The following ECT2 variants were observed in gnomAD, a reference collection of about 807,000 sequenced individuals.
ECT2 encodes the protein epithelial cell transforming 2.
A neutral mutation model predicts 116.9 loss-of-function variants in ECT2; 61 were observed. The ratio of observed to expected loss-of-function variants is 0.52; its 90% CI spans 0.42 to 0.65. The LOEUF is 0.65. Ranked by LOEUF, ECT2 falls within the 30% of genes least tolerant of loss-of-function variation. ECT2 has a pLI of 0.00. For missense variants in ECT2, 937 were observed against 1,078.7 expected, an observed-to-expected ratio of 0.87 and a Z score of 1.84; for synonymous variants, 358 against 346.4, an observed-to-expected ratio of 1.03 and a Z score of -0.37.
At chr3:172,773,443 G>A (rs1721033504) in intron 13 of ECT2, among the ~76,000 whole-genome samples, 1 of 151,976 alleles carries the variant, frequency 6.6e-6, no homozygotes, top group Non-Finnish European at 1.5e-5. Context: ...GATACAAGCA[G>A]AAACATAGAT....
At chr3:172,797,958 T>C (rs1726032745) in intron 18 of ECT2, among the ~76,000 whole-genome samples, 1 of 152,200 alleles carries the variant, frequency 6.6e-6, no homozygotes, top group Non-Finnish European at 1.5e-5. Flanking sequence ...TGTGATCCTG[T>C]TTTGATCAAA....
chr3:172,764,290 G>A lies in ECT2; in HGVS notation c.1081G>A (p.Glu361Lys). ...CTTTTGATTACAGGCAAATACTCCT[G>A]AGCTCAAGAAATCAGTGTCAATGCT... is the stretch of plus-strand genomic sequence containing the variant. ...MYLYEKANTP[E>K]LKKSVSMLSL... Residue 361 changes from glutamate to lysine, a missense_variant, in exon 12 of 25, where the codon GAG becomes AAG. Coordinates refer to ENST00000392692, the MANE Select transcript of ECT2 (RefSeq NM_001258315.2). The A allele has an allele frequency of 1.2e-6, 2 of 1,613,996 alleles. No homozygotes were observed. The highest frequency in any genetic ancestry group is 1.7e-6 in the Non-Finnish European group (2 of 1,179,938).
intron 17 of ECT2, 131 bp downstream of exon 17, chr3:172,784,934 A>G (rs183833840): frequency 1.9e-6 from 1 of 533,130 alleles, no homozygotes; most frequent in Admixed American, 3.6e-5. Context: ...GTTTTGCTTT[A>G]TGGATTATCT....
In ECT2 at chr3:172,762,518, C is replaced by T. The variant is rs1718516813; in HGVS notation, c.861C>T (p.Thr287=). The change falls in exon 9 of 25, where the codon ACC becomes ACT. Residue 287 remains threonine (T), a synonymous_variant. Transcript: ENST00000392692. ...SFLGFSDEEK[T]NMEEMTEMQG... ...TGGGATTTTCAGATGAAGAGAAAAC[C>T]AATATGGAAGAAATGACTGAAATGC... 7 of 1,591,172 alleles carry T rather than the reference C, an allele frequency of 4.4e-6. No individual in the cohort carries two copies. In the East Asian group the frequency reaches 6.7e-5, roughly 15 times the overall value.
rs1458739058 is a variant in ECT2, at chr3:172,820,280, C to T, written c.*43C>T. The T allele has an allele frequency of 1.4e-6, 2 of 1,392,302 alleles. No homozygotes were observed. The highest frequency in any genetic ancestry group is 1.4e-5 in the South Asian group (1 of 73,730). The allele number at this position is 1,392,302 out of a possible 1,614,324, so 86.2% of individuals were successfully genotyped here. A position where few individuals can be genotyped will look rare whatever the true frequency, so the allele number is the denominator to read the frequency against. On this transcript the variant is annotated 3_prime_UTR_variant, in exon 25 of 25. Coordinates refer to ENST00000392692, the MANE Select transcript of ECT2 (RefSeq NM_001258315.2). ...AAATTATAGAAATGTATAGACACCTCATACTCAAATAAGAAACTGACTTAA... is the reference window on the plus strand; with the variant it reads ...AAATTATAGAAATGTATAGACACCTTATACTCAAATAAGAAACTGACTTAA...
intron 24 of ECT2, among the ~76,000 whole-genome samples, chr3:172,819,811 A>T (rs560814808): frequency 6.6e-6 from 1 of 151,996 alleles, no homozygotes; most frequent in South Asian, 2.1e-4. Context: ...CCAATTTATA[A>T]TTTTTTCTTT....
chr3:172,788,799 C>G (rs1019452154), intron 18 of ECT2, among the ~76,000 whole-genome samples: 4 of 152,196 alleles, frequency 2.6e-5, no homozygotes, highest in African/African-American at 9.7e-5. Flanking sequence ...GTGGCTCACG[C>G]CTGTAATCCC....
downstream of ECT2, among the ~76,000 whole-genome samples, chr3:172,824,247 T>C (rs957761997): frequency 3.9e-5 from 6 of 152,270 alleles, no homozygotes; most frequent in Non-Finnish European, 8.8e-5. Context: ...AGAAAAGAGA[T>C]TTAATTGGCT....
At chr3:172,818,516 A>G (rs2109392335) in intron 24 of ECT2, 7 of 1,205,728 alleles carry the variant, frequency 5.8e-6, no homozygotes, top group Non-Finnish European at 7.4e-6. Context: ...CATTAATGTC[A>G]TCTTCTCAAT....
chr3:172,814,957 C>T (rs1395890558), intron 22 of ECT2, among the ~76,000 whole-genome samples: 1 of 152,198 alleles, frequency 6.6e-6, no homozygotes, highest in East Asian at 1.9e-4. Context: ...CCAGCTCCCA[C>T]CCTATCCTGT....
At chr3:172,784,881 C>A in intron 17 of ECT2, 78 bp downstream of exon 17, 2 of 922,496 alleles carry the variant, frequency 2.2e-6, no homozygotes, top group Admixed American at 2.2e-5. Context: ...AATTTCTTCT[C>A]ATTTTTAGAG....
chr3:172,816,266 G>A (rs1405081457), intron 23 of ECT2, among the ~76,000 whole-genome samples: 5 of 151,954 alleles, frequency 3.3e-5, no homozygotes, highest in Non-Finnish European at 7.4e-5. Flanking sequence ...TTGGTGGGGG[G>A]GCTTTGTATT....
At position 172,757,138 on chromosome 3, in the gene ECT2, T is replaced by G; in HGVS notation, c.459T>G (p.Val153=). The change falls in exon 5 of 25, where the codon GTT becomes GTG. Residue 153 remains valine, a synonymous_variant. Transcript: ENST00000392692. ...KADCRVIGPP[V]VLNCSQKGEP... is the part of the protein sequence containing the mutation. Reference sequence around the variant, plus strand: ...ATTGTAGAGTTATTGGACCACCAGTTGTATTAAATTGTTCACAAAAAGGAG... The same window carrying G: ...ATTGTAGAGTTATTGGACCACCAGTGGTATTAAATTGTTCACAAAAAGGAG... 6.6e-7 allele frequency: 1 copy of G among 1,512,750 alleles called. No individual in the cohort carries two copies. Among genetic ancestry groups the G allele is most frequent in the Non-Finnish European group, 8.8e-7 (1 of 1,135,990 alleles). 93.7% of individuals were successfully genotyped at this position (1,512,750 alleles called of 1,614,324 possible).
At chr3:172,758,912 C>T (rs1268950642) in intron 5 of ECT2, 68 bp from the exon 6 acceptor site, 3 of 1,292,488 alleles carry the variant, frequency 2.3e-6, no homozygotes, top group Non-Finnish European at 3.3e-6. Context: ...ATATATTTAG[C>T]TTGAGAAAGT....
At chr3:172,789,563 A>G (rs1200956786) in intron 18 of ECT2, among the ~76,000 whole-genome samples, 1 of 152,122 alleles carries the variant, frequency 6.6e-6, no homozygotes, top group Non-Finnish European at 1.5e-5. Flanking sequence ...TTTTCCTTTC[A>G]TGAATGATTT....
intron 24 of ECT2, 140 bp downstream of exon 24, chr3:172,816,977 TATC>T (rs1577051655): frequency 6.6e-6 from 4 of 608,732 alleles, no homozygotes; most frequent in Non-Finnish European, 1.1e-5. Flanking sequence ...GCTAAAATAT[TATC>T]ATTTGAATGC....
chr3:172,760,821 C>T (rs563810710), intron 7 of ECT2, among the ~76,000 whole-genome samples: 73 of 148,340 alleles, frequency 4.9e-4, no homozygotes, highest in African/African-American at 1.8e-3. Flanking sequence ...CCTGGGTTCA[C>T]GCCATTCTCC....
At chr3:172,802,235 C>G (rs539247700) in intron 18 of ECT2, among the ~76,000 whole-genome samples, 2 of 152,072 alleles carry the variant, frequency 1.3e-5, no homozygotes, top group South Asian at 4.2e-4. Context: ...CTGCCTCAGC[C>G]GCCGAGTAGC....
chr3:172,773,592 G>T (rs1721064622), intron 13 of ECT2, among the ~76,000 whole-genome samples: 1 of 152,066 alleles, frequency 6.6e-6, no homozygotes, highest in South Asian at 2.1e-4. Flanking sequence ...TTAGTAACTT[G>T]AATACAAAAG....
Sources: gnomAD v4.1 joint callset for allele counts (sites outside exome capture counted in the v4.1 genomes callset) on GRCh38, gnomAD v4.1.1 for gene constraint, MANE v1.5 for transcripts, NCBI Gene and HGNC (gene_info 2026-07-23, HGNC 2026-07-21) for gene names.